The following FUT8 variants were observed in gnomAD, a reference collection of about 807,000 sequenced individuals.
The protein encoded by FUT8 is fucosyltransferase 8.
Under a neutral mutation model 71.3 loss-of-function variants are expected in FUT8, and 29 were observed. The observed-to-expected ratio is 0.41, with a 90% confidence interval of 0.30 to 0.55. FUT8 has a LOEUF of 0.55. Among genes scored for constraint, FUT8 ranks in the 20% least tolerant of loss-of-function variants. The probability of loss-of-function intolerance (pLI) is 0.34; values close to 1 mark genes in which losing one functional copy is unlikely to be tolerated. For synonymous variants in FUT8, 254 were observed against 239.3 expected (o/e 1.06, Z -0.57); for missense variants, 544 against 702.1 (o/e 0.77, Z 2.55).
At chr14:65,551,548 C>T (rs553258338) in intron 2 of FUT8, among the ~76,000 whole-genome samples, 5 of 152,202 alleles carry the variant, frequency 3.3e-5, no homozygotes, top group African/African-American at 1.2e-4. Context: ...AGTATTCTTA[C>T]TACAAACACA....
chr14:65,449,698 TAGTAAA>T (rs1424791075), intron 1 of FUT8, among the ~76,000 whole-genome samples: 1 of 152,208 alleles, frequency 6.6e-6, no homozygotes, highest in Non-Finnish European at 1.5e-5. Context: ...AAATTTTCAA[TAGTAAA>T]ATTCTTCATA....
chr14:65,659,018 ACT>A (rs1317360818), intron 6 of FUT8, among the ~76,000 whole-genome samples: 5 of 151,926 alleles, frequency 3.3e-5, no homozygotes, highest in African/African-American at 7.2e-5. Flanking sequence ...AAGTATAGTA[ACT>A]CTCTGTACTA....
intron 2 of FUT8, among the ~76,000 whole-genome samples, chr14:65,464,854 GTT>G (rs2066018780): frequency 6.6e-6 from 1 of 152,186 alleles, no homozygotes; most frequent in African/African-American, 2.4e-5. Context: ...CTGAGAATGA[GTT>G]AGAAGTGCTC....
chr14:65,380,734 A>C, the FUT8 span, among the ~76,000 whole-genome samples: 1 of 152,038 alleles, frequency 6.6e-6, no homozygotes, highest in Non-Finnish European at 1.5e-5. Context: ...CCCCAATCTC[A>C]ACTTGGTTCA....
the FUT8 span, among the ~76,000 whole-genome samples, chr14:65,382,526 G>A: frequency 2.0e-5 from 3 of 152,072 alleles, no homozygotes; most frequent in Non-Finnish European, 4.4e-5. Flanking sequence ...TTTTAGTAAA[G>A]TTGGGATTTC....
chr14:65,374,592 G>GT, the FUT8 span, among the ~76,000 whole-genome samples: 18 of 149,038 alleles, frequency 1.2e-4, no homozygotes, highest in African/African-American at 3.5e-4. Flanking sequence ...ACGGTGAGTT[G>GT]TTTTTTTTGT....
intron 2 of FUT8, among the ~76,000 whole-genome samples, chr14:65,556,715 A>G (rs1885603318): frequency 6.6e-6 from 1 of 152,226 alleles, no homozygotes; most frequent in Non-Finnish European, 1.5e-5. Context: ...AGCTGCCTAC[A>G]ACAGCATGTG....
chr14:65,721,003 G>A (rs577979464), intron 7 of FUT8, among the ~76,000 whole-genome samples: 1 of 152,236 alleles, frequency 6.6e-6, no homozygotes, highest in East Asian at 1.9e-4. Context: ...TGCACCACAC[G>A]GCCACTGCAT....
intron 7 of FUT8, 102 bp from the exon 8 acceptor site, chr14:65,721,673 A>T: frequency 1.8e-6 from 2 of 1,122,572 alleles, no homozygotes; most frequent in Non-Finnish European, 2.7e-6. Flanking sequence ...ATACTTCTTT[A>T]GAGTTGCTGT....
intron 6 of FUT8, among the ~76,000 whole-genome samples, chr14:65,655,594 C>CA (rs34958630): frequency 6.6e-5 from 10 of 151,430 alleles, no homozygotes; most frequent in South Asian, 2.1e-4. Flanking sequence ...ATCAATTTAC[C>CA]AAAAAAATGT....
the FUT8 span, among the ~76,000 whole-genome samples, chr14:65,370,362 C>A: frequency 6.6e-6 from 1 of 151,842 alleles, no homozygotes; most frequent in East Asian, 1.9e-4. Context: ...TGCCTGCCAC[C>A]AGGCCCGGCT....
intron 7 of FUT8, among the ~76,000 whole-genome samples, chr14:65,703,194 G>A (rs1894396623): frequency 6.6e-6 from 1 of 152,226 alleles, no homozygotes; most frequent in Admixed American, 6.5e-5. Context: ...ATAATGTCAA[G>A]TATCAAATCT....
At chr14:65,528,005 C>T (rs1883620452) in intron 2 of FUT8, among the ~76,000 whole-genome samples, 1 of 152,198 alleles carries the variant, frequency 6.6e-6, no homozygotes, top group East Asian at 1.9e-4. Context: ...CAGTGACCTA[C>T]TTGAGGAGGC....
intron 1 of FUT8, among the ~76,000 whole-genome samples, chr14:65,414,363 A>G (rs1195480900): frequency 6.6e-6 from 1 of 152,144 alleles, no homozygotes; most frequent in Non-Finnish European, 1.5e-5. Flanking sequence ...AATTCTTTAA[A>G]TAGGTGCATC....
Position 65,742,039 on chromosome 14 carries a change from GC to G in FUT8, c.1411-53del, listed in dbSNP as rs1189962910. The G allele has an allele frequency of 8.2e-6, 12 of 1,463,002 alleles. No individual in the cohort carries two copies. The East Asian group carries it at 2.3e-4, about 28-fold the overall frequency. The allele number at this position is 1,463,002 out of a possible 1,614,324, so 90.6% of individuals were successfully genotyped here. On this transcript the variant is annotated intron_variant, in intron 10 of 10. Transcript: ENST00000673929. ...CCTTTTGGCCAAGGGCTTTTAGATT[GC>G]TGTGAAGGAGAGTGTTTATATACTA...
chr14:65,562,952 T>C (rs1885992006), intron 3 of FUT8, among the ~76,000 whole-genome samples: 1 of 152,106 alleles, frequency 6.6e-6, no homozygotes, highest in African/African-American at 2.4e-5. Flanking sequence ...ACTCTTTGTT[T>C]AGAACTCGGA....
chr14:65,455,702 T>C lies in FUT8; in HGVS notation c.-244T>C, dbSNP rs1465308042. 1 of 398,230 alleles carries C rather than the reference T, an allele frequency of 2.5e-6. No homozygotes were observed. The highest frequency in any genetic ancestry group is 4.4e-6 in the Non-Finnish European group (1 of 225,916). 24.7% of individuals were successfully genotyped at this position (398,230 alleles called of 1,614,324 possible). On this transcript the variant is annotated 5_prime_UTR_variant, in exon 2 of 11. Transcript: ENST00000673929. ...AAAGTGATTTTTTGCCTTTGTTGAT[T>C]AACTGGACAAATTCAGGTTAGTGTA...
intron 2 of FUT8, among the ~76,000 whole-genome samples, chr14:65,486,802 A>G (rs1594688594): frequency 2.0e-5 from 3 of 152,246 alleles, no homozygotes; most frequent in Admixed American, 6.5e-5. Context: ...AGCCTTAAAT[A>G]GAATCAATTA....
intron 1 of FUT8, among the ~76,000 whole-genome samples, chr14:65,428,836 T>C (rs949738704): frequency 6.6e-6 from 1 of 152,194 alleles, no homozygotes; most frequent in African/African-American, 2.4e-5. Flanking sequence ...GTTTTTTGTT[T>C]TGGGAGTAGA....
Sources: allele counts gnomAD v4.1 joint callset (sites outside exome capture counted in the v4.1 genomes callset), GRCh38; gene constraint gnomAD v4.1.1; transcripts MANE v1.5; gene names NCBI Gene and HGNC (gene_info 2026-07-23, HGNC 2026-07-21).